Variants in HIP1R observed in about 807,000 individuals in gnomAD.
HIP1R encodes the protein huntingtin interacting protein 1 related.
HIP1R carries 135 observed loss-of-function variants against 144.2 expected under a neutral mutation model. That is an observed-to-expected ratio of 0.94 (90% CI 0.81 to 1.08). The LOEUF is 1.08. HIP1R is among the 50% of genes least tolerant of loss of function. The pLI, the probability that HIP1R is intolerant of heterozygous loss-of-function variation, is 0.00. For synonymous variants in HIP1R, 698 were observed against 612.8 expected (o/e 1.14, Z -2.05); for missense variants, 1,462 against 1,432.8 (o/e 1.02, Z -0.33).
Position 122,861,331 on chromosome 12 carries a change from G to T in HIP1R, c.2976G>T (p.Lys992Asn), listed in dbSNP as rs1238132901. 6.2e-7 allele frequency: 1 copy of T among 1,613,796 alleles called. No homozygotes were observed. The highest frequency in any genetic ancestry group is 1.1e-5 in the South Asian group (1 of 91,078). ...ETQVRVLELE[K>N]TLEAERMRLG... ...AGGTGCGTGTCCTGGAGCTGGAGAA[G>T]ACGCTGGAGGCTGAACGCATGCGGC... The change falls in exon 31 of 32, where the codon AAG becomes AAT. Residue 992 changes from lysine (K) to asparagine (N), a missense_variant. Around this residue, in one of 2 missense-constraint regions of HIP1R, gnomAD observed 1,112 missense variants for 1,011.7 expected, o/e 1.10. Transcript: ENST00000253083.
At chr12:122,835,438 G>A (rs1166864778), upstream of HIP1R, 7 of 1,142,610 alleles carry the variant, frequency 6.1e-6, no homozygotes, top group Non-Finnish European at 6.4e-6. Context: ...CCTCCCCGGC[G>A]GGCGGGCCCG....
At chr12:122,835,112 G>A, upstream of HIP1R, 6 of 898,878 alleles carry the variant, frequency 6.7e-6, no homozygotes, top group Non-Finnish European at 9.3e-6. Context: ...CCTCCCCTCC[G>A]GGTTTAGGGA....
intron 1 of HIP1R, among the ~76,000 whole-genome samples, chr12:122,847,303 CG>C (rs200939955): frequency 0.09 from 9,330 of 103,634 alleles, 309 homozygotes; most frequent in Non-Finnish European, 0.13. Context: ...GTAGCCGGGG[CG>C]GGGGGGGAGG....
intron 1 of HIP1R, among the ~76,000 whole-genome samples, chr12:122,843,796 G>A (rs1052872974): frequency 1.3e-5 from 2 of 152,314 alleles, no homozygotes; most frequent in East Asian, 3.9e-4. Flanking sequence ...TGCTGTCTCT[G>A]CGGACCCTCC....
In HIP1R at chr12:122,857,063, G is replaced by A; in HGVS notation, c.1663G>A (p.Glu555Lys). 6.4e-7 allele frequency: 1 copy of A among 1,551,426 alleles called. No individual in the cohort carries two copies. ...CTCACGGCTGGACACGCTGAGTGCG[G>A]AGAAGGATGCTCTGAGTGGAGCTGT... ...LSSRLDTLSA[E>K]KDALSGAVRQ... Residue 555 changes from glutamate to lysine, a missense_variant, in exon 18 of 32, where the codon GAG becomes AAG. Transcript: ENST00000253083.
In HIP1R at chr12:122,835,671, G is replaced by GGGC. The variant is rs1160858438; in HGVS notation, c.93+37_93+39dup. ...GAGCGGGCGGCGGGCGGCGGGCGGC[G>GGGC]GGCGGCGGCGGGCGGGCGGGCAAGC... is the stretch of plus-strand genomic sequence containing the variant. On this transcript the variant is annotated intron_variant, in intron 1 of 31. Coordinates refer to ENST00000253083, the MANE Select transcript of HIP1R (RefSeq NM_003959.3). 8 of 1,101,286 alleles carry GGGC rather than the reference G, an allele frequency of 7.3e-6. No homozygotes were observed. The African/African-American group carries it at 8.5e-5, about 12-fold the overall frequency. 68.2% of individuals were successfully genotyped at this position (1,101,286 alleles called of 1,614,324 possible).
rs557511808 is a variant in HIP1R, at chr12:122,850,782, A to G, written c.439-53A>G. The G allele has an allele frequency of 9.2e-4, 917 of 999,248 alleles. 9 individuals carry two copies. Among genetic ancestry groups the G allele is most frequent in the South Asian group, 6.6e-3 (368 of 55,508 alleles). The allele number at this position is 999,248 out of a possible 1,614,324, so 61.9% of individuals were successfully genotyped here. A position where few individuals can be genotyped will look rare whatever the true frequency, so the allele number is the denominator to read the frequency against. On this transcript the variant is annotated intron_variant, in intron 5 of 31. Coordinates refer to ENST00000253083, the MANE Select transcript of HIP1R (RefSeq NM_003959.3). ...GGGGAGCCCTGGTTCGGTGGCCGCC[A>G]GGTGTGGGGGGGCCCTGGTTCAGTG...
chr12:122,835,435 G>T, upstream of HIP1R: 3 of 1,139,118 alleles, frequency 2.6e-6, no homozygotes, highest in Non-Finnish European at 3.2e-6. Flanking sequence ...GCTCCTCCCC[G>T]GCGGGCGGGC....
At chr12:122,838,153 G>A (rs1172161100) in intron 1 of HIP1R, among the ~76,000 whole-genome samples, 1 of 152,136 alleles carries the variant, frequency 6.6e-6, no homozygotes, top group African/African-American at 2.4e-5. Context: ...GACACACCCT[G>A]TTTGCAAATA....
At chr12:122,835,066 G>A, upstream of HIP1R, 1 of 1,175,474 alleles carries the variant, frequency 8.5e-7, no homozygotes, top group African/African-American at 1.6e-5. Flanking sequence ...CTGGGTGGAA[G>A]GAGGAGGGAG....
intron 1 of HIP1R, among the ~76,000 whole-genome samples, chr12:122,845,714 C>T (rs1000505233): frequency 6.6e-6 from 1 of 152,282 alleles, no homozygotes; most frequent in African/African-American, 2.4e-5. Context: ...GTGCCCGGCC[C>T]TCAGAGACCA....
chr12:122,859,322 C>A, intron 22 of HIP1R, 104 bp from the exon 23 acceptor site: 1 of 1,456,164 alleles, frequency 6.9e-7, no homozygotes, highest in Admixed American at 1.8e-5. Context: ...AGGGTGGGGA[C>A]CATGCACCCT....
Position 122,859,168 on chromosome 12 carries a change from C to G in HIP1R, c.2266C>G (p.Pro756Ala). 6.3e-7 allele frequency: 1 copy of G among 1,576,498 alleles called. No individual in the cohort carries two copies. Among genetic ancestry groups the G allele is most frequent in the African/African-American group, 1.3e-5 (1 of 74,342 alleles). The part of the protein sequence containing the change: ...RHMQASLVRT[P>A]LQGILQLGQE... ...CATGCAGGCCAGCCTGGTGCGGACA[C>G]CCCTGCAGGGCATCCTTCAGCTGGG... Residue 756 changes from proline to alanine, a missense_variant, in exon 22 of 32, where the codon CCC becomes GCC. Physicochemically the swap from Pro to Ala is conservative, Grantham distance 27. Around this residue, in one of 2 missense-constraint regions of HIP1R, gnomAD observed 1,112 missense variants for 1,011.7 expected, o/e 1.10. Transcript: ENST00000253083.
chr12:122,835,295 G>A, upstream of HIP1R: 1 of 525,152 alleles, frequency 1.9e-6, no homozygotes, highest in Non-Finnish European at 2.5e-6. Context: ...GGGGGGTGGG[G>A]TTGGAGGTGT....
At chr12:122,848,287 T>C (rs2292132) in intron 2 of HIP1R, among the ~76,000 whole-genome samples, 179 bp from the exon 3 acceptor site, 127,625 of 152,196 alleles carry the variant, frequency 0.84, 53,844 homozygotes, top group Middle Eastern at 0.91. Flanking sequence ...GCCCAATGAT[T>C]TCCTTGTCTT....
In HIP1R at chr12:122,858,351, T is replaced by A; in HGVS notation, c.1966T>A (p.Tyr656Asn). ...CTCAGTTCTCCTCGTGCTTGCAGAC[T>A]ACCTGGTGAGCAGGGCCCAGGAGGC... ...LHLRCTSSPD[Y>N]LVSRAQEALD... Residue 656 changes from tyrosine to asparagine, a missense_variant and splice_region_variant, in exon 20 of 32, where the codon TAC becomes AAC. Around this residue, in one of 2 missense-constraint regions of HIP1R, gnomAD observed 1,112 missense variants for 1,011.7 expected, o/e 1.10. Transcript: ENST00000253083. The A allele has an allele frequency of 6.2e-7, 1 of 1,608,530 alleles. No homozygotes were observed.
upstream of HIP1R, chr12:122,835,053 A>T: frequency 8.1e-7 from 1 of 1,230,352 alleles, no homozygotes; most frequent in Non-Finnish European, 1.1e-6. Context: ...TGGGGTCCCT[A>T]CCCTGGGTGG....
chr12:122,859,114 C>A lies in HIP1R; in HGVS notation c.2212C>A (p.Gln738Lys). The change falls in exon 22 of 32, where the codon CAG becomes AAG. Residue 738 changes from glutamine (Q) to lysine (K), a missense_variant. By Grantham distance (53) the Gln-to-Lys change is moderately conservative. Transcript: ENST00000253083. ...CGARALELMG[Q>K]LQDQQALRHM... is the part of the protein sequence containing the mutation. ...GGCCCGGGCTCTGGAGCTCATGGGG[C>A]AGCTGCAGGACCAGCAGGCTCTGCG... The A allele has an allele frequency of 6.3e-7, 1 of 1,598,384 alleles. No individual in the cohort carries two copies.
In HIP1R at chr12:122,855,820, T is replaced by G. The variant is rs376873115; in HGVS notation, c.1056-11T>G. The G allele has an allele frequency of 1.1e-5, 17 of 1,558,538 alleles. No individual in the cohort carries two copies. In the African/African-American group the frequency reaches 2.2e-4, roughly 20 times the overall value. On this transcript the variant is annotated splice_polypyrimidine_tract_variant and intron_variant, in intron 12 of 31. Transcript: ENST00000253083. ...TTGACTTAACTTGAACCCCAGGACC[T>G]CTGTCCCCAGGGACCTCCAGATTGA...
Sources: allele counts gnomAD v4.1 joint callset (sites outside exome capture counted in the v4.1 genomes callset), GRCh38; gene constraint gnomAD v4.1.1; regional missense constraint gnomAD v4.1.1; transcripts MANE v1.5; gene names NCBI Gene and HGNC (gene_info 2026-07-23, HGNC 2026-07-21).